Variants in SPIRE1 observed in about 807,000 individuals in gnomAD.
SPIRE1 encodes spire type actin nucleation factor 1.
Under a neutral mutation model 94.1 loss-of-function variants are expected in SPIRE1, and 40 were observed. The ratio of observed to expected loss-of-function variants is 0.43; its 90% CI spans 0.33 to 0.55. The LOEUF is 0.55. Ranked by LOEUF, SPIRE1 falls within the 20% of genes least tolerant of loss-of-function variation. The pLI is 0.06. For synonymous variants in SPIRE1, 376 were observed against 371.7 expected (o/e 1.01, Z -0.13); for missense variants, 838 against 975.2 (o/e 0.86, Z 1.87).
Position 12,463,373 on chromosome 18 carries a change from G to A in SPIRE1, c.1616C>T (p.Ser539Phe). 6.2e-7 allele frequency: 1 copy of A among 1,613,566 alleles called. No individual in the cohort carries two copies. Among genetic ancestry groups the A allele is most frequent in the East Asian group, 2.2e-5 (1 of 44,880 alleles). The stretch of plus-strand genomic sequence containing the variant: ...TACAAGAGAGCGGGAACTCTGCCTG[G>A]AAGGCGGCAGGAACTGCCTCACGTT... ...PTNVRQFLPPSRQSSRSLEEF... is the reference protein window; with the variant it reads ...PTNVRQFLPPFRQSSRSLEEF... The change falls in exon 12 of 17, where the codon TCC becomes TTC. Residue 539 changes from serine (S) to phenylalanine (F), a missense_variant. Physicochemically the swap from Ser to Phe is radical, Grantham distance 155. This residue lies in a region of SPIRE1 where 645 missense variants were observed against 804.7 expected (regional missense o/e 0.80). Transcript: ENST00000409402.
intron 1 of SPIRE1, among the ~76,000 whole-genome samples, chr18:12,644,378 T>C (rs906491463): frequency 2.6e-5 from 4 of 152,270 alleles, no homozygotes; most frequent in Admixed American, 1.3e-4. Context: ...CAAGAGTTTA[T>C]AGGGAAAGTT....
At chr18:12,580,741 G>C (rs993182111) in intron 2 of SPIRE1, among the ~76,000 whole-genome samples, 4 of 152,096 alleles carry the variant, frequency 2.6e-5, no homozygotes, top group Non-Finnish European at 5.9e-5. Flanking sequence ...ATAACTCTCA[G>C]TCACATGCAG....
intron 2 of SPIRE1, among the ~76,000 whole-genome samples, chr18:12,561,804 T>G (rs2035695102): frequency 1.3e-5 from 2 of 152,220 alleles, no homozygotes; most frequent in South Asian, 4.1e-4. Flanking sequence ...GTGAAATATA[T>G]GAATATTTAC....
At position 12,611,950 on chromosome 18, in the gene SPIRE1, A is replaced by C. The variant is rs574365454; in HGVS notation, c.372+23112T>G. 7.2e-5 allele frequency among the ~76,000 whole-genome samples: 11 copies of C among 152,294 alleles called. 1 individual carries two copies. The highest frequency in any genetic ancestry group is 6.8e-3 in the Middle Eastern group (2 of 294). ...CCGCCTCCCAAAGTGCTGAGATTAC[A>C]GGCGTGAGCCACTGTGCCCAGCTTA... On this transcript the variant is annotated intron_variant, in intron 2 of 16. Transcript: ENST00000409402.
At chr18:12,564,243 G>C (rs1156537368) in intron 2 of SPIRE1, among the ~76,000 whole-genome samples, 1 of 152,056 alleles carries the variant, frequency 6.6e-6, no homozygotes, top group Non-Finnish European at 1.5e-5. Flanking sequence ...ACAGACTAAT[G>C]GAACAGACCC....
intron 4 of SPIRE1, among the ~76,000 whole-genome samples, chr18:12,516,723 G>A (rs1304703586): frequency 6.6e-6 from 1 of 152,128 alleles, no homozygotes; most frequent in Non-Finnish European, 1.5e-5. Context: ...AATAGTGTGA[G>A]AAGCAGCAAA....
chr18:12,494,942 C>T (rs1374887314), intron 7 of SPIRE1, among the ~76,000 whole-genome samples: 3 of 124,102 alleles, frequency 2.4e-5, no homozygotes, highest in Non-Finnish European at 3.3e-5. Flanking sequence ...CCCAGCTACT[C>T]GGGAGGCTGA....
intron 2 of SPIRE1, among the ~76,000 whole-genome samples, chr18:12,585,020 G>A (rs2036355675): frequency 6.6e-6 from 1 of 152,122 alleles, no homozygotes; most frequent in Non-Finnish European, 1.5e-5. Flanking sequence ...TGTTCAGGCT[G>A]CTCTCGAACT....
intron 10 of SPIRE1, among the ~76,000 whole-genome samples, chr18:12,473,065 G>A (rs973596249): frequency 1.3e-5 from 2 of 152,192 alleles, no homozygotes; most frequent in Non-Finnish European, 2.9e-5. Flanking sequence ...AAAGTACTGG[G>A]ATTACAGGCG....
At chr18:12,484,192 G>A (rs751857200) in intron 9 of SPIRE1, among the ~76,000 whole-genome samples, 3 of 152,136 alleles carry the variant, frequency 2.0e-5, no homozygotes, top group Admixed American at 6.5e-5. Flanking sequence ...CCAACCACTC[G>A]CTTTCTTATT....
chr18:12,518,910 A>T (rs1021599203), intron 4 of SPIRE1, among the ~76,000 whole-genome samples: 4 of 152,210 alleles, frequency 2.6e-5, no homozygotes, highest in Non-Finnish European at 4.4e-5. Flanking sequence ...GACTAGTCCC[A>T]AATTAATATT....
chr18:12,644,702 C>T (rs1472243852), intron 1 of SPIRE1, among the ~76,000 whole-genome samples: 2 of 152,150 alleles, frequency 1.3e-5, no homozygotes, highest in Non-Finnish European at 2.9e-5. Flanking sequence ...TTTTTTCAAC[C>T]TCAAGAATCA....
intron 8 of SPIRE1, among the ~76,000 whole-genome samples, chr18:12,489,766 T>C (rs560823784): frequency 6.6e-6 from 1 of 152,324 alleles, no homozygotes; most frequent in African/African-American, 2.4e-5. Context: ...AATAAACCAT[T>C]AGATGCAGAT....
chr18:12,483,856 TTAA>T (rs981026742), intron 9 of SPIRE1, among the ~76,000 whole-genome samples: 2 of 152,100 alleles, frequency 1.3e-5, no homozygotes, highest in Admixed American at 6.5e-5. Context: ...GAAATTTTAA[TTAA>T]TAGTTAAAAT....
intron 8 of SPIRE1, among the ~76,000 whole-genome samples, chr18:12,492,044 A>T (rs886477388): frequency 2.0e-5 from 3 of 152,316 alleles, no homozygotes; most frequent in Admixed American, 2.0e-4. Context: ...TGCTTGTAGG[A>T]TATGATAAGG....
At chr18:12,605,463 G>A (rs1014095012) in intron 2 of SPIRE1, among the ~76,000 whole-genome samples, 9 of 152,086 alleles carry the variant, frequency 5.9e-5, no homozygotes, top group Non-Finnish European at 7.4e-5. Context: ...CTGAGATCCC[G>A]CCACTGCCCT....
chr18:12,512,592 T>A, intron 4 of SPIRE1, 61 bp from the exon 5 acceptor site: 1 of 997,314 alleles, frequency 1.0e-6, no homozygotes, highest in Non-Finnish European at 1.6e-6. Context: ...AAATTAAAAT[T>A]CCTAACATAT....
At chr18:12,652,449 C>T (rs758522162) in intron 1 of SPIRE1, among the ~76,000 whole-genome samples, 2 of 151,990 alleles carry the variant, frequency 1.3e-5, no homozygotes, top group African/African-American at 2.4e-5. Flanking sequence ...GAATCATAAA[C>T]TCTCTTGATT....
intron 5 of SPIRE1, among the ~76,000 whole-genome samples, chr18:12,508,357 C>T (rs892531846): frequency 1.3e-5 from 2 of 152,088 alleles, no homozygotes; most frequent in African/African-American, 4.8e-5. Flanking sequence ...ATACCATTTC[C>T]CATCCTCTTG....
Sources: gnomAD v4.1 joint callset for allele counts (sites outside exome capture counted in the v4.1 genomes callset) on GRCh38, gnomAD v4.1.1 for gene constraint, gnomAD v4.1.1 regional missense constraint, MANE v1.5 for transcripts, NCBI Gene and HGNC (gene_info 2026-07-23, HGNC 2026-07-21) for gene names.